The following NME8 variants were observed in gnomAD, a reference collection of about 807,000 sequenced individuals.
NME8 encodes the protein protein NME8.
Under a neutral mutation model 82.3 loss-of-function variants are expected in NME8, and 72 were observed. The ratio of observed to expected loss-of-function variants is 0.87; its 90% CI spans 0.72 to 1.06. NME8 has a LOEUF of 1.06. Among genes scored for constraint, NME8 ranks in the 50% least tolerant of loss-of-function variants. NME8 has a pLI of 0.00. For missense variants in NME8, 712 were observed against 685.4 expected (o/e 1.04, Z -0.43); for synonymous variants, 267 against 228.5 (o/e 1.17, Z -1.52).
At position 37,896,907 on chromosome 7, in the gene NME8, G is replaced by C. The variant is rs989303439; in HGVS notation, c.1582G>C (p.Ala528Pro). Residue 528 changes from alanine (A) to proline (P), a missense_variant, in exon 17 of 18, where the codon GCT (alanine) becomes CCT (proline). Ala to Pro is a conservative substitution (Grantham distance 27). Transcript: ENST00000199447. ...SMVMILTKWNAVAEWRRLMGP... is the reference protein window; with the variant it reads ...SMVMILTKWNPVAEWRRLMGP... ...GGTCATGATTCTGACCAAGTGGAAT[G>C]CTGTTGCAGAATGGAGACGATTGAT... is the stretch of plus-strand genomic sequence containing the variant. 1 of 1,613,752 alleles carries C rather than the reference G, an allele frequency of 6.2e-7. No individual in the cohort carries two copies. Among genetic ancestry groups the C allele is most frequent in the African/African-American group, 1.3e-5 (1 of 74,912 alleles).
chr7:37,850,580 A>G (rs375751041), intron 4 of NME8, 49 bp from the exon 5 acceptor site: 26 of 1,533,038 alleles, frequency 1.7e-5, no homozygotes, highest in Middle Eastern at 1.7e-4. Context: ...GATAACTGCT[A>G]TCCTAGATTG....
intron 17 of NME8, among the ~76,000 whole-genome samples, chr7:37,900,009 C>T (rs1028223320): frequency 6.6e-6 from 1 of 152,210 alleles, no homozygotes; most frequent in Non-Finnish European, 1.5e-5. Flanking sequence ...AGAAATCTTA[C>T]TCACAAGTTA....
At position 37,882,597 on chromosome 7, in the gene NME8, A is replaced by AAGAAAGAAAGAAAG. The variant is rs1554365622; in HGVS notation, c.995-1703_995-1702insAAGAAAGAAAGAGA. ...AAAGAAAGAAAGAAAGAAAGAAAGA[A>AAGAAAGAAAGAAAG]AGAGAGAGAGAGAGAGAGAAAGAAA... is the stretch of plus-strand genomic sequence containing the variant. On this transcript the variant is annotated intron_variant, in intron 12 of 17. Coordinates refer to ENST00000199447, the MANE Select transcript of NME8 (RefSeq NM_016616.5). Among the ~76,000 whole-genome samples the AAGAAAGAAAGAAAG allele has an allele frequency of 9.0e-3, 748 of 82,914 alleles. 4 individuals are homozygous for AAGAAAGAAAGAAAG. Among genetic ancestry groups the AAGAAAGAAAGAAAG allele is most frequent in the Non-Finnish European group, 0.012 (460 of 38,450 alleles). The allele number at this position is 82,914 out of a possible 152,430, so 54.4% of individuals were successfully genotyped here.
At chr7:37,857,135 T>C (rs540932392) in intron 5 of NME8, 139 bp from the exon 6 acceptor site, 1 of 662,220 alleles carries the variant, frequency 1.5e-6, no homozygotes, top group Non-Finnish European at 2.6e-6. Context: ...TGCAGTTTGA[T>C]CCCTAAAACC....
In NME8 at chr7:37,888,427, A is replaced by C. The variant is rs772910255; in HGVS notation, c.1398A>C (p.Arg466Ser). 1 of 1,612,192 alleles carries C rather than the reference A, an allele frequency of 6.2e-7. No homozygotes were observed. The highest frequency in any genetic ancestry group is 8.5e-7 in the Non-Finnish European group (1 of 1,178,804). Residue 466 changes from arginine (R) to serine (S), a missense_variant and splice_region_variant, in exon 15 of 18, where the codon AGA becomes AGC. By Grantham distance (110) the Arg-to-Ser change is moderately radical (BLOSUM62 -1). Transcript: ENST00000199447. ...AACCTCATGCAACAAGTGAACAAAG[A>C]GGTAAATATTTAAGAATAAAAGTGA... ...LIKPHATSEQ[R>S]EQILKIVKEA...
chr7:37,867,565 G>T, intron 10 of NME8, 137 bp from the exon 11 acceptor site: 1 of 709,062 alleles, frequency 1.4e-6, no homozygotes, highest in Non-Finnish European at 2.5e-6. Context: ...ATTGTTAACA[G>T]GAGATTTATA....
At position 37,876,853 on chromosome 7, in the gene NME8, A is replaced by G. The variant is rs62001868; in HGVS notation, c.840A>G (p.Arg280=). The G allele has an allele frequency of 0.098, 157,131 of 1,610,984 alleles. 10,365 individuals are homozygous for G. The highest frequency in any genetic ancestry group is 0.25 in the African/African-American group (18,348 of 74,804). Residue 280 remains arginine (R), a synonymous_variant, in exon 12 of 18, where the codon AGA becomes AGG. Coordinates refer to ENST00000199447, the MANE Select transcript of NME8 (RefSeq NM_016616.5). ...KQDSLQEYLE[R]QHLAQLCDIE... is the part of the protein sequence containing the mutation. ...ACAGTTTACAAGAATATCTGGAAAG[A>G]CAACATTTAGCTCAGCTCTGTGACA...
chr7:37,888,259 C>A lies in NME8; in HGVS notation c.1248-18C>A, dbSNP rs1332147109. ...TGTTCTGTTCTAATAGCTTTTAAAC[C>A]TGACTTCTTTTTCAAAGTTTATGTG... is the stretch of plus-strand genomic sequence containing the variant. On this transcript the variant is annotated intron_variant, in intron 14 of 17. Coordinates refer to ENST00000199447, the MANE Select transcript of NME8 (RefSeq NM_016616.5). The A allele has an allele frequency of 1.2e-6, 2 of 1,612,634 alleles. No homozygotes were observed. The highest frequency in any genetic ancestry group is 1.3e-5 in the African/African-American group (1 of 74,824).
intron 9 of NME8, 40 bp from the exon 10 acceptor site, chr7:37,865,485 T>C: frequency 7.3e-7 from 1 of 1,376,728 alleles, no homozygotes; most frequent in South Asian, 1.2e-5. Context: ...TTACATGTGA[T>C]CCCACGACAC....
intron 8 of NME8, 43 bp from the exon 9 acceptor site, chr7:37,864,305 G>A (rs1486160003): frequency 6.4e-7 from 1 of 1,564,224 alleles, no homozygotes; most frequent in South Asian, 1.1e-5. Flanking sequence ...CAGACTTCGT[G>A]CCAAGAAAAT....
intron 11 of NME8, among the ~76,000 whole-genome samples, chr7:37,874,915 G>C (rs941072127): frequency 2.0e-5 from 3 of 152,114 alleles, no homozygotes; most frequent in Non-Finnish European, 4.4e-5. Flanking sequence ...ATAAAATGGG[G>C]GGATATCAAC....
chr7:37,867,238 A>C (rs1325311732), intron 10 of NME8, among the ~76,000 whole-genome samples: 1 of 151,786 alleles, frequency 6.6e-6, no homozygotes, highest in Non-Finnish European at 1.5e-5. Flanking sequence ...TAGGGTAAAG[A>C]TCTTGAGGCC....
At chr7:37,852,954 C>A (rs144530191) in intron 5 of NME8, among the ~76,000 whole-genome samples, 4 of 152,298 alleles carry the variant, frequency 2.6e-5, no homozygotes, top group Non-Finnish European at 5.9e-5. Flanking sequence ...TTCTTACCAA[C>A]AATGAATGAG....
chr7:37,850,194 C>T, intron 2 of NME8, 66 bp from the exon 3 acceptor site: 1 of 1,240,222 alleles, frequency 8.1e-7, no homozygotes, highest in South Asian at 1.2e-5. Flanking sequence ...ATGTTATTTG[C>T]ATGCATAAAG....
intron 16 of NME8, among the ~76,000 whole-genome samples, chr7:37,896,099 T>C (rs1785225410): frequency 6.6e-6 from 1 of 152,210 alleles, no homozygotes; most frequent in South Asian, 2.1e-4. Flanking sequence ...GCATGTCTTC[T>C]CTTTTTTCAG....
At chr7:37,877,083 A>T in intron 12 of NME8, 76 bp downstream of exon 12, 1 of 1,224,314 alleles carries the variant, frequency 8.2e-7, no homozygotes, top group Non-Finnish European at 1.2e-6. Context: ...AATTGCATTT[A>T]AAGACATTGT....
intron 7 of NME8, among the ~76,000 whole-genome samples, chr7:37,863,066 G>C (rs2131948043): frequency 6.6e-6 from 1 of 152,188 alleles, no homozygotes; most frequent in South Asian, 2.1e-4. Flanking sequence ...ATTGCAGTGA[G>C]CCAAAATAGC....
rs145964156 is a variant in NME8, at chr7:37,892,593, T to A, written c.1400-1873T>A. 2.5e-4 allele frequency among the ~76,000 whole-genome samples: 38 copies of A among 152,102 alleles called. No individual in the cohort carries two copies. The East Asian group carries it at 6.2e-3, about 25-fold the overall frequency. ...ACTTCTGTATCTATCACTTTCCCTATTGACTTCTCTTTCTTTATTTTGCTT... is the reference window on the plus strand; with the variant it reads ...ACTTCTGTATCTATCACTTTCCCTAATGACTTCTCTTTCTTTATTTTGCTT... On this transcript the variant is annotated intron_variant, in intron 15 of 17. Coordinates refer to ENST00000199447, the MANE Select transcript of NME8 (RefSeq NM_016616.5).
chr7:37,863,032 A>C (rs2131948007), intron 7 of NME8, among the ~76,000 whole-genome samples: 1 of 152,256 alleles, frequency 6.6e-6, no homozygotes, highest in Admixed American at 6.5e-5. Flanking sequence ...AGGCAGGAGA[A>C]TCGCTTGAAC....
Sources: gnomAD v4.1 joint callset for allele counts (sites outside exome capture counted in the v4.1 genomes callset) on GRCh38, gnomAD v4.1.1 for gene constraint, MANE v1.5 for transcripts, NCBI Gene and HGNC (gene_info 2026-07-23, HGNC 2026-07-21) for gene names.